The following NPTN variants were observed in gnomAD, a reference collection of about 807,000 sequenced individuals.
The protein encoded by NPTN is SDR-1.
NPTN carries 5 observed loss-of-function variants against 42.7 expected under a neutral mutation model. The ratio of observed to expected loss-of-function variants is 0.12; its 90% CI spans 0.06 to 0.25. The LOEUF is 0.25. Among genes scored for constraint, NPTN ranks in the 10% least tolerant of loss-of-function variants. NPTN has a pLI of 1.00. For synonymous variants in NPTN, 180 were observed against 201.9 expected (o/e 0.89, Z 0.92); for missense variants, 307 against 525.4 (o/e 0.58, Z 4.06).
At chr15:73,616,939 C>T (rs962497145) in intron 1 of NPTN, among the ~76,000 whole-genome samples, 2 of 152,128 alleles carry the variant, frequency 1.3e-5, no homozygotes. Context: ...TTTTTCTATT[C>T]CATTTAATGA....
intron 1 of NPTN, among the ~76,000 whole-genome samples, chr15:73,631,266 G>A (rs1193051422): frequency 2.0e-5 from 3 of 152,142 alleles, no homozygotes; most frequent in Admixed American, 6.5e-5. Flanking sequence ...ATTAGCATTA[G>A]GCTTCTTTAA....
chr15:73,633,252 GGCCAGA>G lies in NPTN; in HGVS notation c.-43_-38del. 7.2e-7 allele frequency: 1 copy of G among 1,386,576 alleles called. No homozygotes were observed. Among genetic ancestry groups the G allele is most frequent in the Non-Finnish European group, 9.7e-7 (1 of 1,032,734 alleles). 85.9% of individuals were successfully genotyped at this position (1,386,576 alleles called of 1,614,324 possible). A position where few individuals can be genotyped will look rare whatever the true frequency, so the allele number is the denominator to read the frequency against. ...GAAGACCCAACAGCGAATGGGCCGG[GGCCAGA>G]GCCGGGGCCGGGGAAGGGAGGGGAG... On this transcript the variant is annotated 5_prime_UTR_variant, in exon 1 of 9. Transcript: ENST00000345330.
At chr15:73,564,736 TC>T in intron 6 of NPTN, among the ~76,000 whole-genome samples, 1 of 152,076 alleles carries the variant, frequency 6.6e-6, no homozygotes, top group South Asian at 2.1e-4. Flanking sequence ...ATGCTCAGCA[TC>T]CCGGCCAAGC....
chr15:73,629,839 GA>G lies in NPTN; in HGVS notation c.91+3285del, dbSNP rs904979538. Among the ~76,000 whole-genome samples, 685 of 138,850 alleles carry G rather than the reference GA, an allele frequency of 4.9e-3. 3 individuals are homozygous for G. Among genetic ancestry groups the G allele is most frequent in the African/African-American group, 0.017 (652 of 37,492 alleles). 91.1% of individuals were successfully genotyped at this position (138,850 alleles called of 152,430 possible). A position where few individuals can be genotyped will look rare whatever the true frequency, so the allele number is the denominator to read the frequency against. On this transcript the variant is annotated intron_variant, in intron 1 of 8. Coordinates refer to ENST00000345330, the MANE Select transcript of NPTN (RefSeq NM_012428.4). ...GCCCACTTGAAAGATTTGGTTCACAGAAAAAAAAGAAAAAAAAAAGCCATAA... is the reference window on the plus strand; with the variant it reads ...GCCCACTTGAAAGATTTGGTTCACAGAAAAAAAGAAAAAAAAAAGCCATAA...
chr15:73,620,239 T>G (rs1489986096), intron 1 of NPTN, among the ~76,000 whole-genome samples: 1 of 152,216 alleles, frequency 6.6e-6, no homozygotes, highest in Non-Finnish European at 1.5e-5. Flanking sequence ...CCTGCTTTAA[T>G]GCATGTCAAC....
At chr15:73,619,054 C>G (rs1373547729) in intron 1 of NPTN, among the ~76,000 whole-genome samples, 1 of 143,548 alleles carries the variant, frequency 7.0e-6, no homozygotes, top group African/African-American at 2.7e-5. Context: ...AGCAGCAAGA[C>G]CCTGTCTCAA....
intron 1 of NPTN, among the ~76,000 whole-genome samples, chr15:73,611,432 C>G (rs577603344): frequency 7.6e-4 from 116 of 152,190 alleles, no homozygotes; most frequent in African/African-American, 2.7e-3. Flanking sequence ...AACAAACTCT[C>G]AAGCCATGAA....
At chr15:73,566,903 C>T in intron 6 of NPTN, 1 of 494,778 alleles carries the variant, frequency 2.0e-6, no homozygotes, top group South Asian at 8.7e-5. Flanking sequence ...CACTGATCCT[C>T]AAAGAGACCA....
At chr15:73,561,141 G>C (rs1894636323) in intron 8 of NPTN, 93 bp from the exon 9 acceptor site, 1 of 152,286 alleles carries the variant, frequency 6.6e-6, no homozygotes. Flanking sequence ...GGTTCAAACA[G>C]CACGCTCAGG....
At chr15:73,563,668 C>T in intron 6 of NPTN, 2 of 534,188 alleles carry the variant, frequency 3.7e-6, no homozygotes, top group Non-Finnish European at 4.8e-6. Context: ...GCAGTTTTGG[C>T]TCAATCCTGC....
At chr15:73,629,688 C>T (rs764524056) in intron 1 of NPTN, among the ~76,000 whole-genome samples, 1 of 151,990 alleles carries the variant, frequency 6.6e-6, no homozygotes, top group Non-Finnish European at 1.5e-5. Context: ...GAATATATTA[C>T]GTTTTTACAC....
intron 6 of NPTN, among the ~76,000 whole-genome samples, chr15:73,566,629 C>T (rs1895024741): frequency 6.6e-6 from 1 of 152,206 alleles, no homozygotes; most frequent in African/African-American, 2.4e-5. Flanking sequence ...CTGACTGCTC[C>T]TGGAGTGCAG....
At chr15:73,567,793 G>A (rs1049797540) in intron 6 of NPTN, 5 of 984,578 alleles carry the variant, frequency 5.1e-6, no homozygotes, top group African/African-American at 3.5e-5. Context: ...GGCCCACACT[G>A]GCTGTCAGGA....
intron 6 of NPTN, chr15:73,567,001 GCTT>G: frequency 4.1e-5 from 35 of 856,772 alleles, no homozygotes; most frequent in East Asian, 1.6e-4. Flanking sequence ...AAGACATGGG[GCTT>G]TTTTTTTTTT....
chr15:73,623,472 A>C (rs186900523), intron 1 of NPTN, among the ~76,000 whole-genome samples: 1 of 152,320 alleles, frequency 6.6e-6, no homozygotes, highest in African/African-American at 2.4e-5. Flanking sequence ...GGATCACTTT[A>C]GTCCAGGAGT....
rs1479052313 is a variant in NPTN at position 73,597,147 on chromosome 15, C to A, written c.314G>T (p.Arg105Leu). The A allele has an allele frequency of 5.6e-6, 9 of 1,614,008 alleles. No homozygotes were observed. Among genetic ancestry groups the A allele is most frequent in the Non-Finnish European group, 6.8e-6 (8 of 1,180,032 alleles). ...AGTCCCAGAGTCCTCCAAGGTGAGC[C>A]GGGTTATTCTCAGCACACTCACGCC... ...SNGVSVLRIT[R>L]LTLEDSGTYE... The change falls in exon 2 of 9, where the codon CGG becomes CTG. Residue 105 changes from arginine to leucine, a missense_variant. Coordinates refer to ENST00000345330, the MANE Select transcript of NPTN (RefSeq NM_012428.4). The surrounding 1 kb of genome is among the most constrained non-coding windows in gnomAD (Gnocchi z 6.3).
intron 6 of NPTN, among the ~76,000 whole-genome samples, chr15:73,566,767 C>A (rs1285522174): frequency 6.6e-6 from 1 of 152,192 alleles, no homozygotes; most frequent in Non-Finnish European, 1.5e-5. Flanking sequence ...TCAGGGAATA[C>A]AGTCAAGTGG....
At chr15:73,581,114 ATGTGCTC>A (rs1450750954) in intron 4 of NPTN, among the ~76,000 whole-genome samples, 1 of 152,186 alleles carries the variant, frequency 6.6e-6, no homozygotes, top group Non-Finnish European at 1.5e-5. Context: ...ACTGATTACT[ATGTGCTC>A]TCCCCATTTG....
chr15:73,633,100 G>T, intron 1 of NPTN, 25 bp downstream of exon 1: 1 of 1,160,152 alleles, frequency 8.6e-7, no homozygotes, highest in East Asian at 2.9e-5. Flanking sequence ...ACCCCCGCCC[G>T]GCCCGCCCCC....
Sources: gnomAD v4.1 joint callset for allele counts (sites outside exome capture counted in the v4.1 genomes callset) on GRCh38, gnomAD v4.1.1 for gene constraint, Gnocchi (gnomAD v3.1) non-coding constraint, MANE v1.5 for transcripts, NCBI Gene and HGNC (gene_info 2026-07-23, HGNC 2026-07-21) for gene names.